SLC35D4: variants seen among roughly 807,000 people sequenced by gnomAD.
SLC35D4 encodes solute carrier family 35 member D4.
At chr18:23,355,980 C>A in the SLC35D4 span, among the ~76,000 whole-genome samples, 1 of 152,154 alleles carries the variant, frequency 6.6e-6, no homozygotes, top group African/African-American at 2.4e-5. Flanking sequence ...GAGTGGTGAT[C>A]GTGGCAGGAC....
the SLC35D4 span, among the ~76,000 whole-genome samples, chr18:23,359,782 G>C: frequency 2.6e-5 from 4 of 152,096 alleles, no homozygotes; most frequent in Admixed American, 2.6e-4. Context: ...CTCTTGTTCC[G>C]TGAAATTCTC....
chr18:23,368,587 C>T, the SLC35D4 span: 71 of 640,278 alleles, frequency 1.1e-4, no homozygotes, highest in Non-Finnish European at 1.6e-4. Flanking sequence ...ACTCTGTCAT[C>T]TCACAAATTC....
At chr18:23,410,692 G>T in the SLC35D4 span, among the ~76,000 whole-genome samples, 14 of 151,952 alleles carry the variant, frequency 9.2e-5, no homozygotes, top group African/African-American at 3.1e-4. Context: ...AGCTACTCGG[G>T]AGACTGAGGC....
the SLC35D4 span, among the ~76,000 whole-genome samples, chr18:23,352,837 C>T: frequency 1.3e-5 from 2 of 152,230 alleles, no homozygotes; most frequent in East Asian, 3.9e-4. Flanking sequence ...GAAATGGTGC[C>T]TACACATGTG....
the SLC35D4 span, chr18:23,352,352 G>C: frequency 7.6e-7 from 1 of 1,316,618 alleles, no homozygotes; most frequent in Non-Finnish European, 1.1e-6. Context: ...TGGCTGACTA[G>C]TGTCTGCTAC....
the SLC35D4 span, chr18:23,298,068 C>T: frequency 1.2e-6 from 2 of 1,613,812 alleles, no homozygotes; most frequent in South Asian, 2.2e-5. Flanking sequence ...GAGCAGGAGG[C>T]TGCAAACAAC....
At chr18:23,287,443 C>T in the SLC35D4 span, among the ~76,000 whole-genome samples, 1 of 152,212 alleles carries the variant, frequency 6.6e-6, no homozygotes, top group East Asian at 1.9e-4. Context: ...CCCATTACTT[C>T]AGTCAAGCCC....
the SLC35D4 span, among the ~76,000 whole-genome samples, chr18:23,249,590 G>A: frequency 7.2e-5 from 11 of 152,286 alleles, no homozygotes; most frequent in East Asian, 1.2e-3. Flanking sequence ...ATTTTTCAGC[G>A]TCTTTTACGT....
chr18:23,327,742 A>G, the SLC35D4 span, among the ~76,000 whole-genome samples: 4 of 152,216 alleles, frequency 2.6e-5, no homozygotes, highest in African/African-American at 4.8e-5. Flanking sequence ...CTTGGCAGAG[A>G]CACAACAAAA....
At chr18:23,430,311 C>T in the SLC35D4 span, among the ~76,000 whole-genome samples, 1 of 151,940 alleles carries the variant, frequency 6.6e-6, no homozygotes, top group Non-Finnish European at 1.5e-5. Context: ...TGGCCTCCTA[C>T]AATCCTCTTG....
At chr18:23,272,146 G>A in the SLC35D4 span, among the ~76,000 whole-genome samples, 4 of 152,164 alleles carry the variant, frequency 2.6e-5, no homozygotes, top group Admixed American at 6.5e-5. Flanking sequence ...CAGTCTTGTG[G>A]GACTGAGCCT....
At chr18:23,407,577 T>TCACACACA in the SLC35D4 span, among the ~76,000 whole-genome samples, 808 of 151,062 alleles carry the variant, frequency 5.3e-3, 10 homozygotes, top group African/African-American at 0.019. Context: ...TCTCTTTATC[T>TCACACACA]CACACACACA....
chr18:23,247,206 G>A, the SLC35D4 span, among the ~76,000 whole-genome samples: 1 of 152,218 alleles, frequency 6.6e-6, no homozygotes, highest in Non-Finnish European at 1.5e-5. Flanking sequence ...CGGCCTCTAA[G>A]GGCCACCATC....
the SLC35D4 span, chr18:23,297,717 C>G: frequency 2.8e-6 from 1 of 363,490 alleles, no homozygotes; most frequent in East Asian, 6.4e-5. Flanking sequence ...GAACCAGCTA[C>G]AGCACGGTTG....
chr18:23,403,467 A>C, the SLC35D4 span, among the ~76,000 whole-genome samples: 2 of 152,248 alleles, frequency 1.3e-5, no homozygotes, highest in African/African-American at 4.8e-5. Context: ...GGGACACGAC[A>C]TTCCAGACAT....
At chr18:23,360,413 G>T in the SLC35D4 span, among the ~76,000 whole-genome samples, 1 of 152,158 alleles carries the variant, frequency 6.6e-6, no homozygotes, top group Non-Finnish European at 1.5e-5. Flanking sequence ...ATAAACAAAC[G>T]TGGTATATGC....
the SLC35D4 span, chr18:23,257,194 A>G: frequency 1.2e-6 from 2 of 1,606,686 alleles, no homozygotes; most frequent in Non-Finnish European, 1.7e-6. Context: ...TAATTTCAAA[A>G]TGAACATGCT....
chr18:23,415,069 A>G, the SLC35D4 span, among the ~76,000 whole-genome samples: 3 of 152,194 alleles, frequency 2.0e-5, no homozygotes, highest in African/African-American at 7.2e-5. Context: ...CCATGACTGC[A>G]CCACTGTACT....
At chr18:23,376,035 T>C in the SLC35D4 span, among the ~76,000 whole-genome samples, 1 of 152,182 alleles carries the variant, frequency 6.6e-6, no homozygotes, top group Non-Finnish European at 1.5e-5. Flanking sequence ...AACATATATA[T>C]AGTGCCCCTT....
Sources: gnomAD v4.1 joint callset for allele counts (sites outside exome capture counted in the v4.1 genomes callset) on GRCh38, gnomAD v4.1.1 for gene constraint, MANE v1.5 for transcripts, NCBI Gene and HGNC (gene_info 2026-07-23, HGNC 2026-07-21) for gene names.